NUDC: variants seen among roughly 807,000 people sequenced by gnomAD.
NUDC encodes the protein nuclear distribution C, dynein complex regulator, also known as nuclear migration protein nudC.
A neutral mutation model predicts 45.0 loss-of-function variants in NUDC; 14 were observed. That is an observed-to-expected ratio of 0.31 (90% CI 0.21 to 0.49). NUDC has a LOEUF of 0.49. Among genes scored for constraint, NUDC ranks in the 20% least tolerant of loss-of-function variants. NUDC has a pLI of 0.99. For missense variants in NUDC, 323 were observed against 426.2 expected (o/e 0.76, Z 2.13); for synonymous variants, 153 against 156.7 (o/e 0.98, Z 0.17).
Position 26,912,099 on chromosome 1 carries a change from A to C in NUDC, c.93+864A>C, listed in dbSNP as rs752497119. ...AGGCCTGGCACATCTGTGGGCAGAG[A>C]GGGAGAAGAGGGCTGGTGAGCACCC... On this transcript the variant is annotated intron_variant, in intron 3 of 6. Coordinates refer to the NUDC transcript ENST00000435827. The C allele has an allele frequency of 2.5e-6, 4 of 1,612,680 alleles. No individual in the cohort carries two copies. In the South Asian group the frequency reaches 4.4e-5, roughly 18 times the overall value.
intron 6 of NUDC, among the ~76,000 whole-genome samples, chr1:26,943,324 C>T (rs1160144045): frequency 1.3e-5 from 2 of 152,182 alleles, no homozygotes; most frequent in African/African-American, 2.4e-5. Context: ...TCTCTCGCCT[C>T]GTCCTCCTGA....
chr1:26,922,039 A>T, intron 1 of NUDC, 110 bp downstream of exon 1: 1 of 1,114,698 alleles, frequency 9.0e-7, no homozygotes, highest in Admixed American at 2.0e-5. Flanking sequence ...GGCTTCTGGG[A>T]TGCCCCTACA....
chr1:26,937,126 A>G (rs997421472), intron 2 of NUDC, among the ~76,000 whole-genome samples: 4 of 152,194 alleles, frequency 2.6e-5, no homozygotes, highest in African/African-American at 9.7e-5. Flanking sequence ...TATAAAAGAC[A>G]TAACTTCAGG....
At chr1:26,905,892 A>G (rs2082000835) in intron 2 of NUDC, among the ~76,000 whole-genome samples, 2 of 152,206 alleles carry the variant, frequency 1.3e-5, no homozygotes, top group Non-Finnish European at 2.9e-5. Context: ...CATGCCTATA[A>G]TCTCAGCACC....
At chr1:26,927,500 C>T (rs2082144132) in intron 2 of NUDC, among the ~76,000 whole-genome samples, 1 of 150,668 alleles carries the variant, frequency 6.6e-6, no homozygotes, top group African/African-American at 2.4e-5. Context: ...CAGGTTCAAG[C>T]GATTCTTCTG....
At chr1:26,913,878 G>A (rs1264265113) in intron 3 of NUDC, 2 of 1,494,140 alleles carry the variant, frequency 1.3e-6, no homozygotes, top group African/African-American at 2.8e-5. Context: ...GAAGTGCGTA[G>A]AGAATGGCGG....
chr1:26,912,109 G>A (rs778275060), intron 3 of NUDC: 1 of 1,612,250 alleles, frequency 6.2e-7, no homozygotes, highest in Non-Finnish European at 8.5e-7. Context: ...AGGGAGAAGA[G>A]GGCTGGTGAG....
At chr1:26,911,474 A>T (rs553184438) in intron 3 of NUDC, 31 of 345,544 alleles carry the variant, frequency 9.0e-5, no homozygotes, top group South Asian at 7.1e-4. Context: ...CACAAATGAC[A>T]GTATCAGGCT....
chr1:26,905,161 T>A (rs879708256), intron 2 of NUDC, among the ~76,000 whole-genome samples: 6,038 of 134,938 alleles, frequency 0.045, 142 homozygotes, highest in Non-Finnish European at 0.065. Context: ...ATTATTATTT[T>A]TTTTTTTTTT....
chr1:26,910,739 G>T (rs1049938503), intron 2 of NUDC, among the ~76,000 whole-genome samples: 20 of 152,158 alleles, frequency 1.3e-4, no homozygotes, highest in African/African-American at 4.6e-4. Flanking sequence ...TGGCAACTGG[G>T]TCAAAATATT....
chr1:26,900,376 C>T (rs764461662), exon 1 of NUDC: 29 of 1,613,892 alleles, frequency 1.8e-5, no homozygotes, highest in Middle Eastern at 1.7e-4. Flanking sequence ...GAGCGCAACA[C>T]GGAGGGGATA....
At chr1:26,917,428 G>A (rs2082067401), upstream of NUDC, among the ~76,000 whole-genome samples, 1 of 151,976 alleles carries the variant, frequency 6.6e-6, no homozygotes, top group African/African-American at 2.4e-5. Flanking sequence ...TGGGTATGGT[G>A]GTGCACGCCT....
intron 3 of NUDC, among the ~76,000 whole-genome samples, chr1:26,916,740 G>A (rs1188819536): frequency 6.6e-6 from 1 of 152,152 alleles, no homozygotes; most frequent in Non-Finnish European, 1.5e-5. Flanking sequence ...TGAGCTGCTT[G>A]AGCCCAGGAG....
rs757719698 is a variant in NUDC, at chr1:26,900,331, C to T, written c.-170C>T. 6.2e-6 allele frequency: 10 copies of T among 1,614,138 alleles called. 1 individual carries two copies. In the South Asian group the frequency reaches 9.9e-5, roughly 16 times the overall value. Reference sequence around the variant, plus strand: ...CAGAGGAAGCCACCGCCGCGCTCTTCTCGGAACTGGCTAAAATAGCTCCGT... The same window carrying T: ...CAGAGGAAGCCACCGCCGCGCTCTTTTCGGAACTGGCTAAAATAGCTCCGT... On this transcript the variant is annotated 5_prime_UTR_variant, in exon 1 of 7. Transcript: ENST00000435827.
chr1:26,945,703 C>T lies in NUDC; in HGVS notation c.944+17C>T, dbSNP rs777293152. On this transcript the variant is annotated intron_variant, in intron 8 of 8. Transcript: ENST00000321265. Reference sequence around the variant, plus strand: ...TCTGAAGAAGTGAGCAATTCAGAGACGGGGTTGGGGGACCGTGGGTGCCTG... The same window carrying T: ...TCTGAAGAAGTGAGCAATTCAGAGATGGGGTTGGGGGACCGTGGGTGCCTG... 17 of 1,595,048 alleles carry T rather than the reference C, an allele frequency of 1.1e-5. No individual in the cohort carries two copies. The highest frequency in any genetic ancestry group is 5.4e-5 in the African/African-American group (4 of 74,544).
At chr1:26,936,986 A>G (rs1374522352) in intron 2 of NUDC, among the ~76,000 whole-genome samples, 1 of 152,186 alleles carries the variant, frequency 6.6e-6, no homozygotes, top group African/African-American at 2.4e-5. Context: ...TATAAGTTCC[A>G]AATTGCCTCG....
At chr1:26,933,083 A>G (rs2082196703) in intron 2 of NUDC, among the ~76,000 whole-genome samples, 1 of 151,672 alleles carries the variant, frequency 6.6e-6, no homozygotes, top group Admixed American at 6.6e-5. Flanking sequence ...CTACAGGCAC[A>G]CGCCACCACG....
chr1:26,942,082 T>C (rs2082282334), intron 4 of NUDC, among the ~76,000 whole-genome samples: 1 of 152,038 alleles, frequency 6.6e-6, no homozygotes, highest in South Asian at 2.1e-4. Flanking sequence ...TCACGAGGTC[T>C]GGAGTTCAAG....
intron 3 of NUDC, among the ~76,000 whole-genome samples, chr1:26,914,885 C>G (rs1056010488): frequency 6.6e-6 from 1 of 151,732 alleles, no homozygotes; most frequent in South Asian, 2.1e-4. Context: ...AAGAATCACT[C>G]GAAACTGGGA....
Sources: gnomAD v4.1 joint callset for allele counts (sites outside exome capture counted in the v4.1 genomes callset) on GRCh38, gnomAD v4.1.1 for gene constraint, MANE v1.5 for transcripts, NCBI Gene and HGNC (gene_info 2026-07-23, HGNC 2026-07-21) for gene names.